The following PDIA5 variants were observed in gnomAD, a reference collection of about 807,000 sequenced individuals.
PDIA5 encodes protein disulfide-isomerase A5.
In PDIA5, 58 loss-of-function variants were observed where a neutral mutation model predicts 77.6. The ratio of observed to expected loss-of-function variants is 0.75; its 90% CI spans 0.61 to 0.93. The LOEUF (loss-of-function observed/expected upper bound fraction) is 0.93, where lower values mean the gene tolerates loss of function less well. PDIA5 is among the 40% of genes least tolerant of loss of function. The pLI, the probability that PDIA5 is intolerant of heterozygous loss-of-function variation, is 0.00. For missense variants in PDIA5, 630 were observed against 647.7 expected, an observed-to-expected ratio of 0.97 and a Z score of 0.30; for synonymous variants, 250 against 252.1, an observed-to-expected ratio of 0.99 and a Z score of 0.08.
intron 1 of PDIA5, among the ~76,000 whole-genome samples, chr3:123,088,580 A>T (rs1030018413): frequency 1.3e-5 from 2 of 152,188 alleles, no homozygotes; most frequent in African/African-American, 4.8e-5. Flanking sequence ...CTCTCGACTG[A>T]TGTGTAACAA....
chr3:123,154,966 C>A lies in PDIA5; in HGVS notation c.1274-5C>A, dbSNP rs757811582. The A allele has an allele frequency of 1.4e-5, 23 of 1,597,770 alleles. No individual in the cohort carries two copies. The South Asian group carries it at 2.4e-4, about 17-fold the overall frequency. Reference sequence around the variant, plus strand: ...TCCTGTGTGCTCTCTTCCCCTCTCACACAGGGTGCCCACACTGTAAGAAGG... The same window carrying A: ...TCCTGTGTGCTCTCTTCCCCTCTCAAACAGGGTGCCCACACTGTAAGAAGG... On this transcript the variant is annotated splice_polypyrimidine_tract_variant and splice_region_variant and intron_variant, in intron 14 of 16. Transcript: ENST00000316218.
At chr3:123,132,124 A>G (rs187905824) in intron 11 of PDIA5, among the ~76,000 whole-genome samples, 2 of 152,258 alleles carry the variant, frequency 1.3e-5, no homozygotes, top group Admixed American at 1.3e-4. Flanking sequence ...AGTGAGTACA[A>G]TTAGCCCCAT....
intron 10 of PDIA5, among the ~76,000 whole-genome samples, chr3:123,127,387 T>A (rs941065904): frequency 6.6e-6 from 1 of 152,220 alleles, no homozygotes; most frequent in Non-Finnish European, 1.5e-5. Context: ...CTTGAATGAC[T>A]CTTATGATTT....
At chr3:123,160,241 G>T (rs1291236138) in intron 15 of PDIA5, among the ~76,000 whole-genome samples, 2 of 152,144 alleles carry the variant, frequency 1.3e-5, no homozygotes, top group Admixed American at 6.5e-5. Context: ...TATGGCCATT[G>T]AGGACCCCTT....
intron 15 of PDIA5, among the ~76,000 whole-genome samples, chr3:123,156,060 G>A (rs1190533411): frequency 6.6e-6 from 1 of 152,154 alleles, no homozygotes; most frequent in Non-Finnish European, 1.5e-5. Flanking sequence ...TTTTGATCAA[G>A]GCCAACAGGA....
intron 15 of PDIA5, among the ~76,000 whole-genome samples, chr3:123,159,863 A>G (rs1936115348): frequency 6.6e-6 from 1 of 152,244 alleles, no homozygotes; most frequent in African/African-American, 2.4e-5. Flanking sequence ...TCACCTGGGC[A>G]TGAGGGACAT....
At chr3:123,146,540 G>A (rs1379988907) in intron 13 of PDIA5, among the ~76,000 whole-genome samples, 1 of 152,180 alleles carries the variant, frequency 6.6e-6, no homozygotes, top group Non-Finnish European at 1.5e-5. Flanking sequence ...AGATCTTATT[G>A]TCTGCATTTT....
intron 1 of PDIA5, among the ~76,000 whole-genome samples, chr3:123,069,812 G>A (rs988674285): frequency 2.0e-5 from 3 of 152,058 alleles, no homozygotes; most frequent in Admixed American, 6.5e-5. Flanking sequence ...AGTCCTGGCC[G>A]GGCACAGTTG....
chr3:123,130,410 G>C, intron 10 of PDIA5, 70 bp from the exon 11 acceptor site: 1 of 1,515,658 alleles, frequency 6.6e-7, no homozygotes, highest in Non-Finnish European at 8.9e-7. Flanking sequence ...TGGGTCCAGG[G>C]GCCTGGAATT....
At chr3:123,114,281 G>A (rs1934941413) in intron 7 of PDIA5, among the ~76,000 whole-genome samples, 1 of 152,228 alleles carries the variant, frequency 6.6e-6, no homozygotes, top group South Asian at 2.1e-4. Flanking sequence ...GGCTGCAGGT[G>A]TCCCCCCTTA....
intron 10 of PDIA5, among the ~76,000 whole-genome samples, chr3:123,125,909 C>G (rs942549565): frequency 2.0e-5 from 3 of 152,150 alleles, no homozygotes; most frequent in Admixed American, 1.3e-4. Context: ...TTCCTGTTTT[C>G]CTTTTTCATT....
rs755357570 is a variant in PDIA5, at chr3:123,089,230, C to T, written c.105C>T (p.Asp35=). 6.2e-7 allele frequency: 1 copy of T among 1,613,802 alleles called. No individual in the cohort carries two copies. Among genetic ancestry groups the T allele is most frequent in the Non-Finnish European group, 8.5e-7 (1 of 1,179,662 alleles). The stretch of plus-strand genomic sequence containing the variant: ...CCTCGCTCATTGAGAGAATCTCTGA[C>T]CCCAAGGACTTGAAAAAACTGCTCA... The part of the protein sequence containing the change: ...KVSSLIERIS[D]PKDLKKLLRT... The change falls in exon 2 of 17, where the codon GAC becomes GAT. Residue 35 remains aspartate, a synonymous_variant. Coordinates refer to ENST00000316218, the MANE Select transcript of PDIA5 (RefSeq NM_006810.4).
intron 1 of PDIA5, among the ~76,000 whole-genome samples, chr3:123,082,163 G>C (rs1409439220): frequency 6.6e-6 from 1 of 152,170 alleles, no homozygotes; most frequent in Non-Finnish European, 1.5e-5. Flanking sequence ...TCCTTGCCCT[G>C]GGATTCTGGG....
intron 3 of PDIA5, 52 bp from the exon 4 acceptor site, chr3:123,102,359 C>G: frequency 6.9e-7 from 1 of 1,442,020 alleles, no homozygotes; most frequent in Non-Finnish European, 9.8e-7. Context: ...GCTGTCAACA[C>G]CTTTGTGAGG....
At chr3:123,118,844 G>A (rs774217520) in intron 8 of PDIA5, among the ~76,000 whole-genome samples, 42 of 152,166 alleles carry the variant, frequency 2.8e-4, no homozygotes, top group Non-Finnish European at 2.9e-4. Context: ...AAAAGTGATG[G>A]TCCTCTCTTT....
At chr3:123,126,853 C>G (rs1487810249) in intron 10 of PDIA5, among the ~76,000 whole-genome samples, 1 of 152,178 alleles carries the variant, frequency 6.6e-6, no homozygotes, top group Non-Finnish European at 1.5e-5. Context: ...AGGGTGGCAC[C>G]AGGTGAGGCA....
In PDIA5 at chr3:123,086,022, A is replaced by G. The variant is rs138393341; in HGVS notation, c.43-3146A>G. ...GCTTGCATAAGGGCAGCGGGTCCTC[A>G]GACATTTTACCCTGCTCTGCAGGGT... is the stretch of plus-strand genomic sequence containing the variant. On this transcript the variant is annotated intron_variant, in intron 1 of 16. Coordinates refer to ENST00000316218, the MANE Select transcript of PDIA5 (RefSeq NM_006810.4). 2.4e-3 allele frequency among the ~76,000 whole-genome samples: 369 copies of G among 152,334 alleles called. 1 individual carries two copies. Among genetic ancestry groups the G allele is most frequent in the African/African-American group, 8.3e-3 (347 of 41,574 alleles).
intron 10 of PDIA5, among the ~76,000 whole-genome samples, chr3:123,128,660 A>T (rs1445841628): frequency 6.6e-6 from 1 of 152,146 alleles, no homozygotes; most frequent in Non-Finnish European, 1.5e-5. Context: ...GGCACAGGCC[A>T]CCATGCCCGA....
rs374477364 is a variant in PDIA5 at position 123,110,953 on chromosome 3, C to T, written c.490C>T (p.Arg164Trp). 68 of 1,613,506 alleles carry T rather than the reference C, an allele frequency of 4.2e-5. No individual in the cohort carries two copies. The African/African-American group carries it at 5.2e-4, about 12-fold the overall frequency. Reference protein sequence around the residue: ...VHLDSEKDFRRLLKKEEKPLL... With the variant: ...VHLDSEKDFRWLLKKEEKPLL... ...TCTTTTTGTGCCTCAGGACTTCAGA[C>T]GGCTCCTGAAGAAGGAAGAGAAGCC... The change falls in exon 7 of 17, where the codon CGG (arginine) becomes TGG (tryptophan). Residue 164 changes from arginine to tryptophan, a missense_variant. By Grantham distance (101) the Arg-to-Trp change is moderately radical. Transcript: ENST00000316218.
Sources: allele counts gnomAD v4.1 joint callset (sites outside exome capture counted in the v4.1 genomes callset), GRCh38; gene constraint gnomAD v4.1.1; transcripts MANE v1.5; gene names NCBI Gene and HGNC (gene_info 2026-07-23, HGNC 2026-07-21).